The following TUBA1C variants were observed in gnomAD, a reference collection of about 807,000 sequenced individuals.
The protein encoded by TUBA1C is tubulin alpha-1C chain.
TUBA1C carries 16 observed loss-of-function variants against 34.9 expected under a neutral mutation model. The observed-to-expected ratio is 0.46, with a 90% CI of 0.31 to 0.70. The LOEUF (loss-of-function observed/expected upper bound fraction) is 0.70. Ranked by LOEUF, TUBA1C falls within the 30% of genes least tolerant of loss-of-function variation. The pLI is 0.05. For synonymous variants in TUBA1C, 177 were observed against 215.9 expected (o/e 0.82, Z 1.58); for missense variants, 329 against 587.3 (o/e 0.56, Z 4.55).
intron 1 of TUBA1C, among the ~76,000 whole-genome samples, chr12:49,234,534 T>TG (rs1942529609): frequency 1.3e-5 from 2 of 152,210 alleles, no homozygotes; most frequent in Admixed American, 1.3e-4. Context: ...GGCCTGGGCC[T>TG]GGGCTCGGGC....
At chr12:49,263,140 C>T (rs146687711), upstream of TUBA1C, among the ~76,000 whole-genome samples, 2,321 of 151,550 alleles carry the variant, frequency 0.015, 57 homozygotes, top group African/African-American at 0.053. Flanking sequence ...TCTGCCTCAG[C>T]CTCCCGAGTA....
At chr12:49,235,732 CAA>C (rs567880656) in intron 1 of TUBA1C, among the ~76,000 whole-genome samples, 44 of 67,170 alleles carry the variant, frequency 6.6e-4, no homozygotes, top group Admixed American at 1.0e-3. Flanking sequence ...GACTCGGTCT[CAA>C]AAAAAAAAAA....
chr12:49,255,661 C>T (rs1468592135), intron 1 of TUBA1C, among the ~76,000 whole-genome samples: 3 of 152,064 alleles, frequency 2.0e-5, no homozygotes, highest in Admixed American at 6.6e-5. Flanking sequence ...CAGGTTCAAG[C>T]GATTCTCCAT....
chr12:49,242,864 T>C (rs1417236618), intron 1 of TUBA1C, among the ~76,000 whole-genome samples: 1 of 151,972 alleles, frequency 6.6e-6, no homozygotes, highest in Non-Finnish European at 1.5e-5. Flanking sequence ...AGTGCAATGG[T>C]GTGATCTCAG....
intron 1 of TUBA1C, among the ~76,000 whole-genome samples, chr12:49,249,159 G>C (rs1942707098): frequency 6.6e-6 from 1 of 152,198 alleles, no homozygotes; most frequent in Admixed American, 6.6e-5. Flanking sequence ...CGGGCGCGGT[G>C]GCTCATGCCT....
In TUBA1C at chr12:49,269,686, T is replaced by C. The variant is rs545794339; in HGVS notation, c.225T>C (p.Ile75=). Residue 75 remains isoleucine (I), a splice_region_variant and synonymous_variant, in exon 2 of 4, where the codon ATT becomes ATC. Transcript: ENST00000301072. The part of the protein sequence containing the change: ...AVFVDLEPTV[I]DEVRTGTYRQ... ...TTGTAGACTTGGAACCCACAGTCAT[T>C]GGTGAGTTGACCTCAGTAACCCAAG... 9.3e-6 allele frequency: 15 copies of C among 1,614,126 alleles called. No individual in the cohort carries two copies. In the African/African-American group the frequency reaches 1.7e-4, roughly 19 times the overall value.
At chr12:49,255,405 AATAT>A (rs142218984) in intron 1 of TUBA1C, among the ~76,000 whole-genome samples, 8 of 141,298 alleles carry the variant, frequency 5.7e-5, no homozygotes, top group Admixed American at 1.5e-4. Flanking sequence ...ATCTTTAAAA[AATAT>A]ATATATATAT....
intron 1 of TUBA1C, among the ~76,000 whole-genome samples, chr12:49,258,679 T>C (rs941786756): frequency 1.3e-5 from 2 of 149,670 alleles, no homozygotes; most frequent in East Asian, 2.0e-4. Flanking sequence ...CAGCCCGCCT[T>C]GGCCTCCCAA....
upstream of TUBA1C, among the ~76,000 whole-genome samples, chr12:49,262,836 A>G (rs996565318): frequency 1.6e-4 from 24 of 152,182 alleles, no homozygotes; most frequent in African/African-American, 5.8e-4. Context: ...TGTCAACTGA[A>G]AAGTAAGTCC....
chr12:49,267,639 C>G (rs954460240), intron 1 of TUBA1C, among the ~76,000 whole-genome samples: 2 of 152,142 alleles, frequency 1.3e-5, no homozygotes, highest in Admixed American at 1.3e-4. Context: ...GACTTTTTCT[C>G]AAAAAGGTAA....
chr12:49,230,265 A>T (rs1490664737), intron 1 of TUBA1C, among the ~76,000 whole-genome samples: 1 of 152,132 alleles, frequency 6.6e-6, no homozygotes, highest in Non-Finnish European at 1.5e-5. Context: ...ACAAGTCAAC[A>T]TTTAACCATA....
At chr12:49,251,293 G>A (rs529067117) in intron 1 of TUBA1C, among the ~76,000 whole-genome samples, 1 of 152,218 alleles carries the variant, frequency 6.6e-6, no homozygotes, top group East Asian at 1.9e-4. Flanking sequence ...AATATTTAAA[G>A]AACCAATAAT....
chr12:49,260,055 A>G (rs1161013321), intron 1 of TUBA1C, among the ~76,000 whole-genome samples: 1 of 152,224 alleles, frequency 6.6e-6, no homozygotes, highest in African/African-American at 2.4e-5. Flanking sequence ...TATTAAATAA[A>G]TGTTACTATA....
chr12:49,228,242 T>C (rs1200648430), intron 1 of TUBA1C: 2 of 1,346,992 alleles, frequency 1.5e-6, no homozygotes, highest in East Asian at 5.1e-5. Context: ...TGCATGCAAC[T>C]GATATTTGTG....
At chr12:49,261,229 CA>C (rs60770205), upstream of TUBA1C, among the ~76,000 whole-genome samples, 1,414 of 131,520 alleles carry the variant, frequency 0.011, 20 homozygotes, top group African/African-American at 0.032. Context: ...GACACCGTCT[CA>C]AAAAAAAAAA....
Position 49,269,498 on chromosome 12 carries a change from G to A in TUBA1C, c.37G>A (p.Gly13Ser). The A allele has an allele frequency of 6.2e-7, 1 of 1,614,200 alleles. No homozygotes were observed. Among genetic ancestry groups the A allele is most frequent in the Non-Finnish European group, 8.5e-7 (1 of 1,180,040 alleles). Residue 13 changes from glycine (G) to serine (S), a missense_variant, in exon 2 of 4, where the codon GGT becomes AGT. By Grantham distance (56) the Gly-to-Ser change is moderately conservative. Coordinates refer to ENST00000301072, the MANE Select transcript of TUBA1C (RefSeq NM_032704.5). ...CATCTCCATCCACGTTGGCCAGGCT[G>A]GTGTCCAGATTGGCAATGCCTGCTG... is the stretch of plus-strand genomic sequence containing the variant. Reference protein sequence around the residue: ...ECISIHVGQAGVQIGNACWEL... With the variant: ...ECISIHVGQASVQIGNACWEL...
chr12:49,230,411 G>A (rs1382979736), intron 1 of TUBA1C, among the ~76,000 whole-genome samples: 1 of 152,184 alleles, frequency 6.6e-6, no homozygotes, highest in African/African-American at 2.4e-5. Context: ...GCCTGGGGCA[G>A]GTACAGTGTT....
intron 1 of TUBA1C, among the ~76,000 whole-genome samples, chr12:49,230,808 C>A (rs1337465385): frequency 1.3e-5 from 2 of 152,136 alleles, no homozygotes; most frequent in Non-Finnish European, 2.9e-5. Context: ...CAGGATTTTG[C>A]CTGAAAGCAT....
At chr12:49,235,786 G>A (rs1427261611) in intron 1 of TUBA1C, among the ~76,000 whole-genome samples, 3 of 151,830 alleles carry the variant, frequency 2.0e-5, no homozygotes, top group African/African-American at 7.3e-5. Flanking sequence ...AAAGAGACCA[G>A]GCTGACTCTC....
Sources: gnomAD v4.1 joint callset for allele counts (sites outside exome capture counted in the v4.1 genomes callset) on GRCh38, gnomAD v4.1.1 for gene constraint, MANE v1.5 for transcripts, NCBI Gene and HGNC (gene_info 2026-07-23, HGNC 2026-07-21) for gene names.